Variants in SIRPA observed in about 807,000 individuals in gnomAD.
The protein encoded by SIRPA is tyrosine-protein phosphatase non-receptor type substrate 1.
In SIRPA, 9 loss-of-function variants were observed where a neutral mutation model predicts 50.3. The observed-to-expected ratio is 0.18, with a 90% CI of 0.11 to 0.31. SIRPA has a LOEUF of 0.31. Among genes scored for constraint, SIRPA ranks in the 10% least tolerant of loss-of-function variants. SIRPA has a pLI of 1.00. For synonymous variants in SIRPA, 265 were observed against 284.1 expected (o/e 0.93, Z 0.68); for missense variants, 474 against 661.6 (o/e 0.72, Z 3.11).
intron 1 of SIRPA, among the ~76,000 whole-genome samples, chr20:1,907,274 C>T (rs1600403321): frequency 6.6e-6 from 1 of 152,316 alleles, no homozygotes; most frequent in East Asian, 1.9e-4. Flanking sequence ...GGCTTCAATG[C>T]AGGTAGCAGT....
chr20:1,925,679 C>T (rs1985936647), intron 5 of SIRPA, among the ~76,000 whole-genome samples: 2 of 152,208 alleles, frequency 1.3e-5, no homozygotes, highest in Non-Finnish European at 2.9e-5. Context: ...AATTTGGCCT[C>T]TACAAGCCTC....
rs1986467101 is a variant in SIRPA, at chr20:1,934,616, C to T, written c.1227-99C>T. 1 of 1,153,812 alleles carries T rather than the reference C, an allele frequency of 8.7e-7. No homozygotes were observed. The highest frequency in any genetic ancestry group is 1.5e-5 in the African/African-American group (1 of 65,592). The allele number at this position is 1,153,812 out of a possible 1,614,324, so 71.5% of individuals were successfully genotyped here. ...ATGAGTCCTTCGTTCATGTCCTCAA[C>T]CCATATAGAAAATGGAGCCTAAATG... On this transcript the variant is annotated intron_variant, in intron 6 of 7. Transcript: ENST00000358771. The surrounding 1 kb of genome is among the most constrained non-coding windows in gnomAD (Gnocchi z 4.6).
At chr20:1,903,846 C>T (rs1378719142) in intron 1 of SIRPA, among the ~76,000 whole-genome samples, 2 of 152,152 alleles carry the variant, frequency 1.3e-5, no homozygotes, top group African/African-American at 4.8e-5. Flanking sequence ...CTGCCTGTTG[C>T]CTAGTGCTCC....
chr20:1,895,531 G>T lies in SIRPA; in HGVS notation c.79+5G>T. The T allele has an allele frequency of 6.9e-7, 1 of 1,446,672 alleles. No homozygotes were observed. Among genetic ancestry groups the T allele is most frequent in the South Asian group, 1.4e-5 (1 of 71,104 alleles). 89.6% of individuals were successfully genotyped at this position (1,446,672 alleles called of 1,614,324 possible). A position where few individuals can be genotyped will look rare whatever the true frequency, so the allele number is the denominator to read the frequency against. On this transcript the variant is annotated splice_donor_5th_base_variant and intron_variant, in intron 1 of 7. Transcript: ENST00000358771. ...CCGCGTCCTGCGCCTGGTCAGGTAA[G>T]CACCCCCCCGCTCCCCACCGCTGCA...
chr20:1,908,710 C>T (rs929956506), intron 1 of SIRPA, among the ~76,000 whole-genome samples: 1 of 152,206 alleles, frequency 6.6e-6, no homozygotes, highest in African/African-American at 2.4e-5. Context: ...CTCATGTTCA[C>T]ATGTTCCATT....
chr20:1,907,696 A>C (rs910381517), intron 1 of SIRPA, among the ~76,000 whole-genome samples: 5 of 152,284 alleles, frequency 3.3e-5, no homozygotes, highest in Middle Eastern at 3.4e-3. Context: ...GGACGGCCCC[A>C]CATGCTAAGA....
At position 1,939,930 on chromosome 20, in the gene SIRPA, TGC is replaced by T. The variant is rs1986786924; in HGVS notation, c.*2364_*2365del. The T allele has an allele frequency of 6.6e-6, 1 of 152,566 alleles. No individual in the cohort carries two copies. Among genetic ancestry groups the T allele is most frequent in the Non-Finnish European group, 1.5e-5 (1 of 68,046 alleles). The allele number at this position is 152,566 out of a possible 1,614,324, so 9.5% of individuals were successfully genotyped here. ...TGTTCAGTATTCTTGTCTTTGTGAG[TGC>T]GTCCCGGGGCCGCCTCGGGGCCTGC... On this transcript the variant is annotated 3_prime_UTR_variant, in exon 8 of 8. Transcript: ENST00000358771. This position sits in a 1 kb window ranked among gnomAD's most constrained non-coding sequence, Gnocchi z 4.7.
rs1430480448 is a variant in SIRPA at position 1,921,798 on chromosome 20, C to T, written c.754+86C>T. ...CTCCACTCATCCAGCTCTACTCTTGCTCCAGGGCTTGAAATGCCTGGAACC... is the reference window on the plus strand; with the variant it reads ...CTCCACTCATCCAGCTCTACTCTTGTTCCAGGGCTTGAAATGCCTGGAACC... On this transcript the variant is annotated intron_variant, in intron 3 of 7. Transcript: ENST00000358771. The T allele has an allele frequency of 2.7e-6, 4 of 1,505,782 alleles. 1 individual carries two copies. The highest frequency in any genetic ancestry group is 3.6e-5 in the Admixed American group (2 of 56,100). 93.3% of individuals were successfully genotyped at this position (1,505,782 alleles called of 1,614,324 possible).
intron 1 of SIRPA, among the ~76,000 whole-genome samples, chr20:1,899,022 G>A (rs775787146): frequency 3.3e-5 from 5 of 152,018 alleles, no homozygotes; most frequent in South Asian, 4.1e-4. Flanking sequence ...TCCCACACGC[G>A]CTCGCTTGCT....
intron 1 of SIRPA, among the ~76,000 whole-genome samples, chr20:1,910,053 A>G (rs1428648492): frequency 6.6e-6 from 1 of 152,144 alleles, no homozygotes; most frequent in Admixed American, 6.5e-5. Context: ...GATGGGATCT[A>G]AGATGCCAGC....
At chr20:1,909,313 G>A (rs1233653585) in intron 1 of SIRPA, among the ~76,000 whole-genome samples, 1 of 152,224 alleles carries the variant, frequency 6.6e-6, no homozygotes, top group East Asian at 1.9e-4. Flanking sequence ...CTCCCATGCA[G>A]TGGCAGTGAG....
rs536845468 is a variant in SIRPA at position 1,915,641 on chromosome 20, C to T, written c.436+186C>T. Among the ~76,000 whole-genome samples the T allele has an allele frequency of 3.9e-5, 6 of 152,332 alleles. No homozygotes were observed. In the East Asian group the frequency reaches 1.2e-3, roughly 29 times the overall value. On this transcript the variant is annotated intron_variant, in intron 2 of 7. Coordinates refer to ENST00000358771, the MANE Select transcript of SIRPA (RefSeq NM_001040023.2). ...GTCATGCTATTTGCTGAAGGCTCCA[C>T]AGCTGGTAAAGGGTGGGAACATCTG...
chr20:1,919,432 T>A (rs914021306), intron 2 of SIRPA, among the ~76,000 whole-genome samples: 1 of 152,192 alleles, frequency 6.6e-6, no homozygotes, highest in African/African-American at 2.4e-5. Flanking sequence ...GTGTGGATGC[T>A]TCTGAACAAC....
intron 2 of SIRPA, among the ~76,000 whole-genome samples, chr20:1,918,452 TC>T (rs986313606): frequency 2.0e-5 from 3 of 148,332 alleles, no homozygotes; most frequent in African/African-American, 7.5e-5. Flanking sequence ...CCTCAGGTGA[TC>T]CCCCCACCTC....
In SIRPA at chr20:1,940,524, A is replaced by G. The variant is rs1218060749; in HGVS notation, c.*2956A>G. ...CTCAATAAATGTTAGTTTCCTTTCT[A>G]TCCCTCCATTAGATCATTAATGATA... On this transcript the variant is annotated 3_prime_UTR_variant, in exon 8 of 8. Transcript: ENST00000358771. The G allele has an allele frequency of 1.3e-5, 2 of 152,160 alleles. No homozygotes were observed. Among genetic ancestry groups the G allele is most frequent in the African/African-American group, 4.8e-5 (2 of 41,408 alleles). The allele number at this position is 152,160 out of a possible 1,614,324, so 9.4% of individuals were successfully genotyped here.
intron 1 of SIRPA, among the ~76,000 whole-genome samples, chr20:1,904,181 G>A (rs1322713475): frequency 1.3e-5 from 2 of 152,160 alleles, no homozygotes; most frequent in Non-Finnish European, 2.9e-5. Flanking sequence ...GTCATGAATA[G>A]CCCTAAGATA....
At chr20:1,909,258 G>A (rs982869734) in intron 1 of SIRPA, among the ~76,000 whole-genome samples, 3 of 152,230 alleles carry the variant, frequency 2.0e-5, no homozygotes, top group Admixed American at 6.5e-5. Flanking sequence ...GCCTGTCCCT[G>A]TGGCTTGTGC....
chr20:1,899,507 G>A lies in SIRPA; in HGVS notation c.79+3981G>A, dbSNP rs1040656046. ...GCCCGTTAGCATGTGGCCTCTCTCC[G>A]TTTGGTAAACGGTTTTCTACAGATC... is the stretch of plus-strand genomic sequence containing the variant. On this transcript the variant is annotated intron_variant, in intron 1 of 7. Coordinates refer to ENST00000358771, the MANE Select transcript of SIRPA (RefSeq NM_001040023.2). Among the ~76,000 whole-genome samples, 15 of 152,296 alleles carry A rather than the reference G, an allele frequency of 9.8e-5. 2 individuals are homozygous for A. The highest frequency in any genetic ancestry group is 4.1e-4 in the South Asian group (2 of 4,828).
At chr20:1,902,839 C>T (rs1191277478) in intron 1 of SIRPA, among the ~76,000 whole-genome samples, 1 of 151,980 alleles carries the variant, frequency 6.6e-6, no homozygotes, top group Non-Finnish European at 1.5e-5. Context: ...TGGCGAAATC[C>T]CATCTCCACT....
Sources: gnomAD v4.1 joint callset for allele counts (sites outside exome capture counted in the v4.1 genomes callset) on GRCh38, gnomAD v4.1.1 for gene constraint, Gnocchi (gnomAD v3.1) non-coding constraint, MANE v1.5 for transcripts, NCBI Gene and HGNC (gene_info 2026-07-23, HGNC 2026-07-21) for gene names.